EMID1: variants seen among roughly 807,000 people sequenced by gnomAD.
EMID1 encodes the protein EMI domain containing 1, also known as EMI domain-containing protein 1.
EMID1 carries 40 observed loss-of-function variants against 60.6 expected under a neutral mutation model. That is an observed-to-expected ratio of 0.66 (90% CI 0.51 to 0.86). The LOEUF is 0.86. Among genes scored for constraint, EMID1 ranks in the 40% least tolerant of loss-of-function variants. The pLI is 0.00. For synonymous variants in EMID1, 242 were observed against 231.0 expected (o/e 1.05, Z -0.43); for missense variants, 585 against 597.1 (o/e 0.98, Z 0.21).
chr22:29,241,363 T>C (rs759137032), intron 12 of EMID1, among the ~76,000 whole-genome samples: 1 of 148,784 alleles, frequency 6.7e-6, no homozygotes, highest in Non-Finnish European at 1.5e-5. Flanking sequence ...ACTTTCCACT[T>C]GTTGTTAAGA....
intron 1 of EMID1, among the ~76,000 whole-genome samples, chr22:29,210,728 T>G (rs1006438336): frequency 6.6e-6 from 1 of 152,162 alleles, no homozygotes; most frequent in Non-Finnish European, 1.5e-5. Context: ...AAATACTGTT[T>G]TTTTTCTCTA....
chr22:29,209,863 G>A (rs966404798), intron 1 of EMID1, among the ~76,000 whole-genome samples: 4 of 152,176 alleles, frequency 2.6e-5, no homozygotes, highest in East Asian at 1.9e-4. Flanking sequence ...GAAGGGCAGC[G>A]CTTGCAGGGC....
chr22:29,228,533 C>A (rs1384472797), intron 5 of EMID1, among the ~76,000 whole-genome samples: 1 of 152,170 alleles, frequency 6.6e-6, no homozygotes, highest in Non-Finnish European at 1.5e-5. Context: ...CACTTTAGTG[C>A]CATTCTTTGC....
intron 13 of EMID1, among the ~76,000 whole-genome samples, chr22:29,251,558 C>A (rs1377839499): frequency 6.6e-6 from 1 of 150,658 alleles, no homozygotes; most frequent in African/African-American, 2.4e-5. Context: ...AGTGCAGTGG[C>A]ACAATCATAG....
At chr22:29,221,066 CGTGTGTGTGTGTGTGTGTGTGTGTGT>C (rs59651061) in intron 3 of EMID1, among the ~76,000 whole-genome samples, 55 of 100,064 alleles carry the variant, frequency 5.5e-4, no homozygotes, top group East Asian at 9.2e-4. Context: ...GGGGTGGGAA[CGTGTGTGTGTGTGTGTGTGTGTGTGT>C]GTGTGTGTGT....
chr22:29,251,998 G>C (rs540536635), intron 13 of EMID1, among the ~76,000 whole-genome samples: 120 of 152,074 alleles, frequency 7.9e-4, no homozygotes, highest in Non-Finnish European at 1.6e-3. Context: ...TTGTAGATAT[G>C]GGGTCTTGCT....
At chr22:29,244,513 C>T (rs1404270673) in intron 13 of EMID1, among the ~76,000 whole-genome samples, 2 of 152,056 alleles carry the variant, frequency 1.3e-5, no homozygotes, top group Non-Finnish European at 2.9e-5. Context: ...GTGGTACGCA[C>T]CTGTAGTCCT....
At chr22:29,234,514 C>T (rs2040873150) in intron 12 of EMID1, among the ~76,000 whole-genome samples, 165 bp downstream of exon 12, 1 of 152,148 alleles carries the variant, frequency 6.6e-6, no homozygotes, top group African/African-American at 2.4e-5. Flanking sequence ...TTGGATTAGG[C>T]TGCCTCTGTC....
intron 3 of EMID1, among the ~76,000 whole-genome samples, chr22:29,223,220 T>C (rs538995965): frequency 6.6e-6 from 1 of 152,230 alleles, no homozygotes; most frequent in South Asian, 2.1e-4. Flanking sequence ...GGAGGCCAGA[T>C]GACAGGCAGT....
At chr22:29,216,661 TC>T (rs1451440893) in intron 3 of EMID1, 2 of 985,224 alleles carry the variant, frequency 2.0e-6, no homozygotes, top group African/African-American at 3.5e-5. Flanking sequence ...TTTGCACACT[TC>T]ACCTCCCGGG....
chr22:29,254,939 T>C (rs1427834897), intron 14 of EMID1: 3 of 225,270 alleles, frequency 1.3e-5, no homozygotes, highest in Admixed American at 1.1e-4. Context: ...ACAAGGCAGA[T>C]CCTCCTGGTC....
chr22:29,235,607 C>G (rs1568992539), intron 12 of EMID1, among the ~76,000 whole-genome samples: 1 of 151,606 alleles, frequency 6.6e-6, no homozygotes, highest in Non-Finnish European at 1.5e-5. Context: ...CCCTATGTGC[C>G]TAGGCTGAAC....
At position 29,254,077 on chromosome 22, in the gene EMID1, C is replaced by T. The variant is rs572401974; in HGVS notation, c.1120-126C>T. 1.5e-5 allele frequency: 23 copies of T among 1,563,700 alleles called. No individual in the cohort carries two copies. In the African/African-American group the frequency reaches 2.8e-4, roughly 19 times the overall value. ...GTCTTGTTCTGGCTGTCCATGGACC[C>T]TGGGCTGTGGCAGGTAGTGTGGGGC... On this transcript the variant is annotated intron_variant, in intron 13 of 14. Coordinates refer to ENST00000334018, the MANE Select transcript of EMID1 (RefSeq NM_133455.4).
At position 29,209,689 on chromosome 22, in the gene EMID1, C is replaced by T. The variant is rs563236402; in HGVS notation, c.101+3550C>T. ...TATTGTGAGTGGCTAATGGGTGGTG[C>T]CCAACCCCTGCCTGGGCCTGAGGGC... On this transcript the variant is annotated intron_variant, in intron 1 of 14. Coordinates refer to ENST00000334018, the MANE Select transcript of EMID1 (RefSeq NM_133455.4). 9.2e-5 allele frequency among the ~76,000 whole-genome samples: 14 copies of T among 152,246 alleles called. No individual in the cohort carries two copies. In the Middle Eastern group the frequency reaches 0.014, roughly 148 times the overall value.
chr22:29,225,656 G>T (rs185708793), intron 4 of EMID1, among the ~76,000 whole-genome samples: 1 of 152,106 alleles, frequency 6.6e-6, no homozygotes, highest in Non-Finnish European at 1.5e-5. Flanking sequence ...GCCCTGCCCC[G>T]CCCCAGGCCC....
intron 13 of EMID1, among the ~76,000 whole-genome samples, chr22:29,245,689 G>A (rs925437282): frequency 9.9e-5 from 15 of 152,216 alleles, no homozygotes; most frequent in Admixed American, 9.8e-4. Flanking sequence ...GCTTGCAGAT[G>A]CGTTCTGGCT....
chr22:29,238,860 AT>A (rs1186777164), intron 12 of EMID1, among the ~76,000 whole-genome samples: 2 of 140,956 alleles, frequency 1.4e-5, no homozygotes, highest in Non-Finnish European at 3.0e-5. Flanking sequence ...ACCCAGCCTG[AT>A]TTTCTGAAAT....
At chr22:29,230,871 G>C (rs3765297) in intron 5 of EMID1, 149 bp from the exon 6 acceptor site, 1 of 957,232 alleles carries the variant, frequency 1.0e-6, no homozygotes, top group Non-Finnish European at 1.5e-6. Flanking sequence ...CAGAAGGATC[G>C]CTTAAGCCCG....
intron 13 of EMID1, among the ~76,000 whole-genome samples, chr22:29,248,789 C>T (rs910334770): frequency 6.7e-6 from 1 of 148,632 alleles, no homozygotes; most frequent in Non-Finnish European, 1.5e-5. Context: ...TGCAGTAATA[C>T]GAGATCACGC....
Sources: allele counts gnomAD v4.1 joint callset (sites outside exome capture counted in the v4.1 genomes callset), GRCh38; gene constraint gnomAD v4.1.1; transcripts MANE v1.5; gene names NCBI Gene and HGNC (gene_info 2026-07-23, HGNC 2026-07-21).